Variants in AGPAT4 observed in about 807,000 individuals in gnomAD.
The protein encoded by AGPAT4 is 1-acylglycerol-3-phosphate O-acyltransferase 4.
Under a neutral mutation model 48.0 loss-of-function variants are expected in AGPAT4, and 15 were observed. The observed-to-expected ratio is 0.31, with a 90% confidence interval of 0.21 to 0.48. The LOEUF (loss-of-function observed/expected upper bound fraction) is 0.48, where lower values mean the gene tolerates loss of function less well. Among genes scored for constraint, AGPAT4 ranks in the 20% least tolerant of loss-of-function variants. The pLI, the probability that AGPAT4 is intolerant of heterozygous loss-of-function variation, is 0.99. For synonymous variants in AGPAT4, 178 were observed against 198.7 expected, an observed-to-expected ratio of 0.90 and a Z score of 0.88; for missense variants, 314 against 482.5, an observed-to-expected ratio of 0.65 and a Z score of 3.27.
chr6:161,235,771 G>T lies in AGPAT4; in HGVS notation c.-89-3469C>A, dbSNP rs1277367564. 1.3e-5 allele frequency among the ~76,000 whole-genome samples: 2 copies of T among 151,916 alleles called. No homozygotes were observed. On this transcript the variant is annotated intron_variant, in intron 1 of 8. Transcript: ENST00000320285. This position sits in a 1 kb window ranked among gnomAD's most constrained non-coding sequence, Gnocchi z 6.2. The stretch of plus-strand genomic sequence containing the variant: ...ACTTTTAAACAACCAAATCTCAAGA[G>T]AACTCACTCATTATACGGTACCAAG...
chr6:161,256,812 A>G (rs974598604), intron 1 of AGPAT4, among the ~76,000 whole-genome samples: 1 of 152,248 alleles, frequency 6.6e-6, no homozygotes, highest in African/African-American at 2.4e-5. Context: ...TCAGTTTGGC[A>G]ACACTGAAAT....
rs892229637 is a variant in AGPAT4, at chr6:161,234,737, A to G, written c.-89-2435T>C. Among the ~76,000 whole-genome samples the G allele has an allele frequency of 6.6e-6, 1 of 152,098 alleles. No individual in the cohort carries two copies. The highest frequency in any genetic ancestry group is 1.5e-5 in the Non-Finnish European group (1 of 68,020). On this transcript the variant is annotated intron_variant, in intron 1 of 8. Coordinates refer to ENST00000320285, the MANE Select transcript of AGPAT4 (RefSeq NM_020133.3). This position sits in a 1 kb window ranked among gnomAD's most constrained non-coding sequence, Gnocchi z 4.4. ...GGTTTCTGGGGTCTAGAGTTTGTAA[A>G]TTACTTGACAAATCCTTTGCTTTGC...
At position 161,189,305 on chromosome 6, in the gene AGPAT4, T is replaced by C. The variant is rs1780857310; in HGVS notation, c.179-22888A>G. ...CTCTTGTGGTGAAGTCTAATGAGTG[T>C]GCCAAGACCAGCAGGGTGCCCTGAG... On this transcript the variant is annotated intron_variant, in intron 2 of 8. Coordinates refer to ENST00000320285, the MANE Select transcript of AGPAT4 (RefSeq NM_020133.3). The surrounding 1 kb of genome is among the most constrained non-coding windows in gnomAD (Gnocchi z 5.3). Among the ~76,000 whole-genome samples the C allele has an allele frequency of 6.6e-6, 1 of 152,050 alleles. No homozygotes were observed. Among genetic ancestry groups the C allele is most frequent in the South Asian group, 2.1e-4 (1 of 4,820 alleles).
chr6:161,151,030 T>TGTCCAAC (rs1311615265), intron 5 of AGPAT4, among the ~76,000 whole-genome samples: 1 of 152,150 alleles, frequency 6.6e-6, no homozygotes, highest in African/African-American at 2.4e-5. Flanking sequence ...ATCAGTGACT[T>TGTCCAAC]GTCCAACTGT....
rs1043751083 is a variant in AGPAT4, at chr6:161,267,700, C to T, written c.-90+6238G>A. On this transcript the variant is annotated intron_variant, in intron 1 of 8. Transcript: ENST00000320285. This position sits in a 1 kb window ranked among gnomAD's most constrained non-coding sequence, Gnocchi z 5.2. ...CTGCGCCATTGCACTCCAGCCTGGG[C>T]AACAAGAACAAAACTCTGTCTCAAA... is the stretch of plus-strand genomic sequence containing the variant. Among the ~76,000 whole-genome samples the T allele has an allele frequency of 5.3e-5, 8 of 151,002 alleles. No individual in the cohort carries two copies. Among genetic ancestry groups the T allele is most frequent in the Non-Finnish European group, 1.2e-4 (8 of 67,842 alleles).
chr6:161,138,901 G>C lies in AGPAT4; in HGVS notation c.1042+521C>G, dbSNP rs1375693749. On this transcript the variant is annotated intron_variant, in intron 8 of 8. Transcript: ENST00000320285. This position sits in a 1 kb window ranked among gnomAD's most constrained non-coding sequence, Gnocchi z 4.8. The stretch of plus-strand genomic sequence containing the variant: ...GGCTTGCCACCAAGAAGCAGCAGTA[G>C]CCCGAGAATACCGGTCACCTGGAGC... Among the ~76,000 whole-genome samples the C allele has an allele frequency of 6.6e-6, 1 of 152,130 alleles. No individual in the cohort carries two copies. The highest frequency in any genetic ancestry group is 1.5e-5 in the Non-Finnish European group (1 of 68,018).
chr6:161,139,093 A>T lies in AGPAT4; in HGVS notation c.1042+329T>A, dbSNP rs1583272591. Among the ~76,000 whole-genome samples, 1 of 152,322 alleles carries T rather than the reference A, an allele frequency of 6.6e-6. No individual in the cohort carries two copies. The highest frequency in any genetic ancestry group is 1.9e-4 in the East Asian group (1 of 5,174). On this transcript the variant is annotated intron_variant, in intron 8 of 8. Transcript: ENST00000320285. The surrounding 1 kb of genome is among the most constrained non-coding windows in gnomAD (Gnocchi z 9.1). ...TCTTCAGAAGCAGGAAATGATGCCAATGAGCAGAGCTGTCTGCGGAGGACA... is the reference window on the plus strand; with the variant it reads ...TCTTCAGAAGCAGGAAATGATGCCATTGAGCAGAGCTGTCTGCGGAGGACA...
rs537644621 is a variant in AGPAT4 at position 161,246,344 on chromosome 6, A to G, written c.-89-14042T>C. Among the ~76,000 whole-genome samples the G allele has an allele frequency of 3.9e-5, 6 of 152,250 alleles. No homozygotes were observed. The East Asian group carries it at 1.2e-3, about 29-fold the overall frequency. On this transcript the variant is annotated intron_variant, in intron 1 of 8. Coordinates refer to ENST00000320285, the MANE Select transcript of AGPAT4 (RefSeq NM_020133.3). This position sits in a 1 kb window ranked among gnomAD's most constrained non-coding sequence, Gnocchi z 5.5. ...CGTTCATTCATTCAGCTAAAAATTC[A>G]TTGATTCATATTTAAGTTCTACTAT...
Position 161,234,148 on chromosome 6 carries a change from C to T in AGPAT4, c.-89-1846G>A, listed in dbSNP as rs867073395. Among the ~76,000 whole-genome samples, 30 of 152,300 alleles carry T rather than the reference C, an allele frequency of 2.0e-4. No homozygotes were observed. Among genetic ancestry groups the T allele is most frequent in the African/African-American group, 5.3e-4 (22 of 41,560 alleles). ...GCAGAAGACAGCACAGCTTTGAGTGCAGTCACTCCTGGGTCATGCAGGTTG... is the reference window on the plus strand; with the variant it reads ...GCAGAAGACAGCACAGCTTTGAGTGTAGTCACTCCTGGGTCATGCAGGTTG... On this transcript the variant is annotated intron_variant, in intron 1 of 8. Transcript: ENST00000320285. The surrounding 1 kb of genome is among the most constrained non-coding windows in gnomAD (Gnocchi z 4.4).
rs1372796125 is a variant in AGPAT4 at position 161,232,688 on chromosome 6, C to T, written c.-89-386G>A. On this transcript the variant is annotated intron_variant, in intron 1 of 8. Coordinates refer to ENST00000320285, the MANE Select transcript of AGPAT4 (RefSeq NM_020133.3). The surrounding 1 kb of genome is among the most constrained non-coding windows in gnomAD (Gnocchi z 6.8). ...AGGACAGGCCGCAAATCCGGCCTCC[C>T]CTCCTGCTGCCATCGCGGCCTGAGC... Among the ~76,000 whole-genome samples the T allele has an allele frequency of 6.6e-6, 1 of 152,194 alleles. No individual in the cohort carries two copies. The highest frequency in any genetic ancestry group is 2.4e-5 in the African/African-American group (1 of 41,450).
intron 1 of AGPAT4, among the ~76,000 whole-genome samples, chr6:161,247,825 T>C (rs928200583): frequency 1.3e-5 from 2 of 151,530 alleles, no homozygotes; most frequent in African/African-American, 4.9e-5. Flanking sequence ...TCTACTAAAA[T>C]ACAAAAATTA....
chr6:161,186,225 A>AAG (rs1038117598), intron 2 of AGPAT4, among the ~76,000 whole-genome samples: 1 of 152,174 alleles, frequency 6.6e-6, no homozygotes, highest in Non-Finnish European at 1.5e-5. Context: ...ACTCATGCTT[A>AAG]AGATGAGTGA....
intron 2 of AGPAT4, among the ~76,000 whole-genome samples, chr6:161,187,939 C>T (rs1021550068): frequency 1.2e-4 from 18 of 152,190 alleles, no homozygotes; most frequent in African/African-American, 4.1e-4. Flanking sequence ...TAAATACCTG[C>T]TCTAAATTTT....
chr6:161,149,301 A>G lies in AGPAT4; in HGVS notation c.665-12T>C, dbSNP rs1212580705. 1 of 1,604,918 alleles carries G rather than the reference A, an allele frequency of 6.2e-7. No homozygotes were observed. The highest frequency in any genetic ancestry group is 8.5e-7 in the Non-Finnish European group (1 of 1,178,426). ...ATATACAGCTGAAACTATAAAAAATAAAACAAATACAAAGCAGTATATAGC... is the reference window on the plus strand; with the variant it reads ...ATATACAGCTGAAACTATAAAAAATGAAACAAATACAAAGCAGTATATAGC... On this transcript the variant is annotated splice_polypyrimidine_tract_variant and intron_variant, in intron 5 of 8. Coordinates refer to ENST00000320285, the MANE Select transcript of AGPAT4 (RefSeq NM_020133.3). The surrounding 1 kb of genome is among the most constrained non-coding windows in gnomAD (Gnocchi z 6.5).
In AGPAT4 at chr6:161,226,731, A is replaced by C. The variant is rs556372698; in HGVS notation, c.178+5305T>G. Among the ~76,000 whole-genome samples, 2 of 152,354 alleles carry C rather than the reference A, an allele frequency of 1.3e-5. No individual in the cohort carries two copies. Among genetic ancestry groups the C allele is most frequent in the Admixed American group, 1.3e-4 (2 of 15,310 alleles). ...CACATTGATGTGGCCAGGATTCCCC[A>C]CAGAGAGGTTACCATAGAGGAGGCT... On this transcript the variant is annotated intron_variant, in intron 2 of 8. Transcript: ENST00000320285. The surrounding 1 kb of genome is among the most constrained non-coding windows in gnomAD (Gnocchi z 6.3).
chr6:161,240,208 A>T lies in AGPAT4; in HGVS notation c.-89-7906T>A, dbSNP rs1171622037. Among the ~76,000 whole-genome samples, 2 of 147,576 alleles carry T rather than the reference A, an allele frequency of 1.4e-5. No individual in the cohort carries two copies. Among genetic ancestry groups the T allele is most frequent in the African/African-American group, 5.0e-5 (2 of 39,622 alleles). On this transcript the variant is annotated intron_variant, in intron 1 of 8. Coordinates refer to ENST00000320285, the MANE Select transcript of AGPAT4 (RefSeq NM_020133.3). This position sits in a 1 kb window ranked among gnomAD's most constrained non-coding sequence, Gnocchi z 5.5. Reference sequence around the variant, plus strand: ...AGCCTTACCAAAACACTAACAGCAGATATCTTTGTGTATACACACACACAC... The same window carrying T: ...AGCCTTACCAAAACACTAACAGCAGTTATCTTTGTGTATACACACACACAC...
In AGPAT4 at chr6:161,214,852, T is replaced by C. The variant is rs1004484077; in HGVS notation, c.178+17184A>G. ...GTATTACAATCTTAGCAGACACCGT[T>C]GTAAATGTGGTCTACTGCCTGAAAA... On this transcript the variant is annotated intron_variant, in intron 2 of 8. Transcript: ENST00000320285. The surrounding 1 kb of genome is among the most constrained non-coding windows in gnomAD (Gnocchi z 5.4). Among the ~76,000 whole-genome samples the C allele has an allele frequency of 6.6e-6, 1 of 152,176 alleles. No individual in the cohort carries two copies. Among genetic ancestry groups the C allele is most frequent in the Admixed American group, 6.5e-5 (1 of 15,284 alleles).
chr6:161,179,975 G>C (rs1371634882), intron 2 of AGPAT4, among the ~76,000 whole-genome samples: 1 of 152,164 alleles, frequency 6.6e-6, no homozygotes, highest in Non-Finnish European at 1.5e-5. Flanking sequence ...TTTAAAATCA[G>C]AGAAAGACAG....
chr6:161,235,427 G>A lies in AGPAT4; in HGVS notation c.-89-3125C>T, dbSNP rs1049890771. 6.6e-6 allele frequency among the ~76,000 whole-genome samples: 1 copy of A among 152,186 alleles called. No individual in the cohort carries two copies. The highest frequency in any genetic ancestry group is 2.4e-5 in the African/African-American group (1 of 41,452). On this transcript the variant is annotated intron_variant, in intron 1 of 8. Transcript: ENST00000320285. The surrounding 1 kb of genome is among the most constrained non-coding windows in gnomAD (Gnocchi z 6.2). The stretch of plus-strand genomic sequence containing the variant: ...ATGAGGGCTGATGATTAAAAGAAAC[G>A]TGGCTGAATTATGTAGGGGTGTGTC...
Sources: gnomAD v4.1 joint callset for allele counts (sites outside exome capture counted in the v4.1 genomes callset) on GRCh38, gnomAD v4.1.1 for gene constraint, Gnocchi (gnomAD v3.1) non-coding constraint, MANE v1.5 for transcripts, NCBI Gene and HGNC (gene_info 2026-07-23, HGNC 2026-07-21) for gene names.